INPP4B: variants seen among roughly 807,000 people sequenced by gnomAD.
The protein encoded by INPP4B is inositol polyphosphate 4-phosphatase type II.
INPP4B carries 55 observed loss-of-function variants against 122.5 expected under a neutral mutation model. The observed-to-expected ratio is 0.45, with a 90% confidence interval of 0.36 to 0.56. The LOEUF is 0.56. Among genes scored for constraint, INPP4B ranks in the 20% least tolerant of loss-of-function variants. The probability of loss-of-function intolerance (pLI) is 0.00; values close to 1 mark genes in which losing one functional copy is unlikely to be tolerated. For missense variants in INPP4B, 1,000 were observed against 1,097.7 expected, an observed-to-expected ratio of 0.91 and a Z score of 1.26; for synonymous variants, 403 against 388.7, an observed-to-expected ratio of 1.04 and a Z score of -0.43.
intron 10 of INPP4B, 144 bp from the exon 11 acceptor site, chr4:142,260,708 C>T (rs1420841219): frequency 3.3e-6 from 2 of 607,606 alleles, no homozygotes; most frequent in Non-Finnish European, 5.8e-6. Flanking sequence ...ATTTCTAGCT[C>T]TATCTTTACT....
intron 8 of INPP4B, among the ~76,000 whole-genome samples, chr4:142,307,867 T>C (rs1336089896): frequency 2.0e-5 from 3 of 152,164 alleles, no homozygotes; most frequent in Non-Finnish European, 4.4e-5. Context: ...GTTTTAAAAT[T>C]GATAAAGCTG....
At chr4:142,415,297 C>T (rs1029388752) in intron 5 of INPP4B, among the ~76,000 whole-genome samples, 3 of 152,088 alleles carry the variant, frequency 2.0e-5, no homozygotes, top group Non-Finnish European at 4.4e-5. Context: ...GCAGGAAAGT[C>T]AGGGCTTCAG....
At chr4:142,440,598 G>A (rs139481855) in intron 3 of INPP4B, among the ~76,000 whole-genome samples, 459 of 152,226 alleles carry the variant, frequency 3.0e-3, no homozygotes, top group Non-Finnish European at 5.0e-3. Context: ...GCTCTGTTTG[G>A]TGTGGGCTGG....
At chr4:142,612,376 G>A (rs1742738645) in intron 2 of INPP4B, among the ~76,000 whole-genome samples, 1 of 152,150 alleles carries the variant, frequency 6.6e-6, no homozygotes, top group East Asian at 1.9e-4. Context: ...AGTGTGTAGA[G>A]ACTGCTATTT....
intron 19 of INPP4B, 91 bp downstream of exon 19, chr4:142,124,497 A>T (rs192216069): frequency 1.7e-6 from 2 of 1,164,796 alleles, no homozygotes; most frequent in East Asian, 4.9e-5. Flanking sequence ...TTAAAAATAA[A>T]GCTGTCCCAA....
intron 2 of INPP4B, among the ~76,000 whole-genome samples, chr4:142,551,190 C>T (rs1476025036): frequency 6.6e-6 from 1 of 152,200 alleles, no homozygotes; most frequent in Non-Finnish European, 1.5e-5. Context: ...CATCCAATTT[C>T]CTTGGACGAC....
At chr4:142,641,715 C>T (rs1178057255) in intron 2 of INPP4B, among the ~76,000 whole-genome samples, 1 of 152,090 alleles carries the variant, frequency 6.6e-6, no homozygotes, top group Non-Finnish European at 1.5e-5. Context: ...GTGAGTAGTG[C>T]TGCAATAAAC....
chr4:142,375,132 C>A (rs780522605), intron 7 of INPP4B, among the ~76,000 whole-genome samples: 2 of 151,782 alleles, frequency 1.3e-5, no homozygotes, highest in African/African-American at 4.8e-5. Context: ...TTCTGAAAGG[C>A]CAGCAACCTC....
At chr4:142,697,918 G>A (rs185639759) in intron 2 of INPP4B, among the ~76,000 whole-genome samples, 86 of 152,188 alleles carry the variant, frequency 5.7e-4, no homozygotes, top group Non-Finnish European at 9.3e-4. Context: ...TAAACTCAGA[G>A]TTTTAAAGAC....
At chr4:142,504,100 C>A (rs761774948) in intron 2 of INPP4B, among the ~76,000 whole-genome samples, 1 of 151,880 alleles carries the variant, frequency 6.6e-6, no homozygotes, top group African/African-American at 2.4e-5. Flanking sequence ...AGTCAATAGA[C>A]AAATGATGGA....
At chr4:142,820,237 T>C (rs1780636687) in intron 1 of INPP4B, among the ~76,000 whole-genome samples, 1 of 152,150 alleles carries the variant, frequency 6.6e-6, no homozygotes, top group Non-Finnish European at 1.5e-5. Context: ...ATGAAAGGTG[T>C]TTGGGTCATG....
chr4:142,712,411 C>T (rs1763226583), intron 2 of INPP4B, among the ~76,000 whole-genome samples: 1 of 152,142 alleles, frequency 6.6e-6, no homozygotes. Context: ...ATGCAGATAC[C>T]TATACATGAG....
At chr4:142,399,097 A>G (rs1236560296) in intron 7 of INPP4B, among the ~76,000 whole-genome samples, 1 of 151,988 alleles carries the variant, frequency 6.6e-6, no homozygotes, top group Non-Finnish European at 1.5e-5. Flanking sequence ...TTACTCATCA[A>G]TATCTTCCAC....
chr4:142,794,676 C>T (rs1006256295), intron 1 of INPP4B, among the ~76,000 whole-genome samples: 1 of 151,726 alleles, frequency 6.6e-6, no homozygotes, highest in Admixed American at 6.6e-5. Context: ...ATTTAAGACA[C>T]AATCTGGGAG....
chr4:142,281,808 C>T (rs1751331598), intron 9 of INPP4B, among the ~76,000 whole-genome samples: 1 of 151,980 alleles, frequency 6.6e-6, no homozygotes, highest in African/African-American at 2.4e-5. Flanking sequence ...ATGTTTGTCA[C>T]TCAGTTATAA....
At chr4:142,451,530 C>T (rs545931890) in intron 3 of INPP4B, among the ~76,000 whole-genome samples, 2 of 152,216 alleles carry the variant, frequency 1.3e-5, no homozygotes, top group African/African-American at 2.4e-5. Flanking sequence ...AGGTTGCAGG[C>T]GTGAGCCACC....
At chr4:142,324,109 C>T (rs1237588709) in intron 7 of INPP4B, among the ~76,000 whole-genome samples, 1 of 152,022 alleles carries the variant, frequency 6.6e-6, no homozygotes, top group African/African-American at 2.4e-5. Context: ...GAGGAGATAC[C>T]AGAAAAGCTC....
chr4:142,336,326 G>A (rs1175689061), intron 7 of INPP4B, among the ~76,000 whole-genome samples: 20 of 152,138 alleles, frequency 1.3e-4, no homozygotes, highest in Admixed American at 1.3e-3. Context: ...AAATACCGCT[G>A]GGGGCCACAC....
In INPP4B at chr4:142,821,453, C is replaced by T. The variant is rs555467095; in HGVS notation, c.-254+24756G>A. Among the ~76,000 whole-genome samples the T allele has an allele frequency of 5.3e-5, 8 of 151,900 alleles. No homozygotes were observed. In the South Asian group the frequency reaches 1.7e-3, roughly 32 times the overall value. Reference sequence around the variant, plus strand: ...TGCTTAGAATAATCCAAAATGTTACCAATATAAGCATAACAATAATATACA... The same window carrying T: ...TGCTTAGAATAATCCAAAATGTTACTAATATAAGCATAACAATAATATACA... On this transcript the variant is annotated intron_variant, in intron 1 of 25. Coordinates refer to ENST00000262992, the MANE Select transcript of INPP4B (RefSeq NM_001101669.3).
Sources: allele counts gnomAD v4.1 joint callset (sites outside exome capture counted in the v4.1 genomes callset), GRCh38; gene constraint gnomAD v4.1.1; transcripts MANE v1.5; gene names NCBI Gene and HGNC (gene_info 2026-07-23, HGNC 2026-07-21).